Variants in PTPN3 observed in about 807,000 individuals in gnomAD.
PTPN3 encodes tyrosine-protein phosphatase non-receptor type 3.
Under a neutral mutation model 132.7 loss-of-function variants are expected in PTPN3, and 96 were observed. That is an observed-to-expected ratio of 0.72 (90% confidence interval 0.61 to 0.86). PTPN3 has a LOEUF of 0.86. PTPN3 is among the 40% of genes least tolerant of loss of function. The probability of loss-of-function intolerance (pLI) is 0.00; values close to 1 mark genes in which losing one functional copy is unlikely to be tolerated. For missense variants in PTPN3, 1,125 were observed against 1,159.6 expected, an observed-to-expected ratio of 0.97 and a Z score of 0.43; for synonymous variants, 398 against 429.0, an observed-to-expected ratio of 0.93 and a Z score of 0.89.
intron 13 of PTPN3, among the ~76,000 whole-genome samples, chr9:109,421,200 G>GCACGTCAC (rs1284017325): frequency 6.6e-6 from 1 of 152,172 alleles, no homozygotes; most frequent in African/African-American, 2.4e-5. Context: ...CTTGGGCAAG[G>GCACGTCAC]CACGTCACCT....
At chr9:109,505,749 ACTT>A in the PTPN3 span, among the ~76,000 whole-genome samples, 6 of 151,406 alleles carry the variant, frequency 4.0e-5, no homozygotes, top group Admixed American at 1.3e-4. Context: ...CAGAACATCA[ACTT>A]CTTTTTTTTT....
rs377718578 is a variant in PTPN3 at position 109,391,488 on chromosome 9, T to A, written c.2027A>T (p.Tyr676Phe). The change falls in exon 20 of 26, where the codon TAT becomes TTT. Residue 676 changes from tyrosine (Y) to phenylalanine (F), a missense_variant. Physicochemically the swap from Tyr to Phe is conservative, Grantham distance 22. Coordinates refer to ENST00000374541, the MANE Select transcript of PTPN3 (RefSeq NM_002829.4). ...KLPQNLDKNR[Y>F]KDVLPYDTTR... The stretch of plus-strand genomic sequence containing the variant: ...ATACTCACAAGGCAGCACATCTTTA[T>A]ATCGGTTTTTGTCCAAATTTTGAGG... The A allele has an allele frequency of 1.2e-4, 197 of 1,613,408 alleles. No homozygotes were observed. The highest frequency in any genetic ancestry group is 1.6e-4 in the Non-Finnish European group (184 of 1,179,476).
chr9:109,383,273 C>T, intron 23 of PTPN3, 150 bp downstream of exon 23: 1 of 1,382,738 alleles, frequency 7.2e-7, no homozygotes, highest in South Asian at 1.3e-5. Context: ...AACTCTGGGC[C>T]CTGGCTCTTT....
chr9:109,487,537 C>G (rs1050017124), intron 1 of PTPN3, among the ~76,000 whole-genome samples: 4 of 152,216 alleles, frequency 2.6e-5, no homozygotes, highest in African/African-American at 7.2e-5. Flanking sequence ...TGGGGCCTAA[C>G]AGCCTCTTTT....
chr9:109,381,920 G>A (rs528652404), intron 24 of PTPN3, 133 bp from the exon 25 acceptor site: 240 of 1,067,248 alleles, frequency 2.2e-4, no homozygotes, highest in Non-Finnish European at 3.0e-4. Flanking sequence ...GCACACTCAC[G>A]GCGTGCTCTC....
chr9:109,390,113 A>G (rs879593906), intron 21 of PTPN3, among the ~76,000 whole-genome samples: 4 of 152,170 alleles, frequency 2.6e-5, no homozygotes, highest in Non-Finnish European at 5.9e-5. Context: ...GGATTATATG[A>G]AAAGACTGGT....
At chr9:109,386,124 CAGA>C (rs1839563494) in intron 22 of PTPN3, among the ~76,000 whole-genome samples, 1 of 152,148 alleles carries the variant, frequency 6.6e-6, no homozygotes. Context: ...ACTCCTAATC[CAGA>C]AGAACTGGTG....
intron 25 of PTPN3, among the ~76,000 whole-genome samples, chr9:109,380,662 T>G (rs1053130388): frequency 1.3e-5 from 2 of 152,188 alleles, no homozygotes; most frequent in African/African-American, 4.8e-5. Flanking sequence ...TAACATAAGC[T>G]GATTTTTTTT....
At chr9:109,531,626 A>G in the PTPN3 span, among the ~76,000 whole-genome samples, 1,146 of 152,296 alleles carry the variant, frequency 7.5e-3, 10 homozygotes, top group African/African-American at 0.026. Flanking sequence ...TAGTTTTGAG[A>G]ATGAGATAAT....
intron 1 of PTPN3, among the ~76,000 whole-genome samples, chr9:109,475,006 T>C (rs1314904488): frequency 6.6e-6 from 1 of 152,220 alleles, no homozygotes; most frequent in Admixed American, 6.5e-5. Flanking sequence ...CTGATTTTTT[T>C]AGGTCCCAAA....
intron 10 of PTPN3, among the ~76,000 whole-genome samples, chr9:109,431,629 G>C (rs1401238174): frequency 6.6e-6 from 1 of 152,200 alleles, no homozygotes; most frequent in African/African-American, 2.4e-5. Flanking sequence ...GTGTCAAATT[G>C]AACAGGGCTG....
chr9:109,533,102 G>A, the PTPN3 span, among the ~76,000 whole-genome samples: 3 of 136,820 alleles, frequency 2.2e-5, no homozygotes, highest in African/African-American at 8.3e-5. Context: ...ACTACATACA[G>A]GCGCCCACCA....
intron 7 of PTPN3, among the ~76,000 whole-genome samples, chr9:109,443,137 A>C (rs961079022): frequency 6.8e-6 from 1 of 148,094 alleles, no homozygotes; most frequent in Admixed American, 6.9e-5. Context: ...GTGCAATGGC[A>C]TGATTATGGC....
intron 12 of PTPN3, 33 bp downstream of exon 12, chr9:109,426,917 C>G (rs745585788): frequency 1.3e-6 from 2 of 1,569,874 alleles, no homozygotes; most frequent in East Asian, 4.5e-5. Context: ...ACATCTCAGC[C>G]TAGTGTGGAC....
the PTPN3 span, among the ~76,000 whole-genome samples, chr9:109,531,112 CT>C: frequency 1.3e-3 from 201 of 152,248 alleles, no homozygotes; most frequent in African/African-American, 4.6e-3. Flanking sequence ...TTGCCTGTGC[CT>C]TTTATGTCTT....
At chr9:109,500,664 C>T (rs1010908699), upstream of PTPN3, among the ~76,000 whole-genome samples, 2 of 149,780 alleles carry the variant, frequency 1.3e-5, no homozygotes, top group African/African-American at 4.9e-5. Flanking sequence ...GGTGAGGTGG[C>T]TCATGCCTGT....
intron 12 of PTPN3, 21 bp downstream of exon 12, chr9:109,426,929 C>T: frequency 2.5e-6 from 4 of 1,590,636 alleles, no homozygotes; most frequent in African/African-American, 2.7e-5. Flanking sequence ...AGTGTGGACA[C>T]AGTCTTTACA....
chr9:109,411,547 G>A (rs947483), intron 14 of PTPN3, among the ~76,000 whole-genome samples: 74,634 of 151,816 alleles, frequency 0.49, 18,636 homozygotes, highest in South Asian at 0.7. Context: ...TGACTATGGG[G>A]CTCTCCTACA....
chr9:109,417,538 T>TTTTTTTTC (rs1842613716), intron 14 of PTPN3: 1 of 964,754 alleles, frequency 1.0e-6, no homozygotes, highest in South Asian at 4.8e-5. Context: ...ACAGGTTTTT[T>TTTTTTTTC]TTTTTTTCTT....
Sources: gnomAD v4.1 joint callset for allele counts (sites outside exome capture counted in the v4.1 genomes callset) on GRCh38, gnomAD v4.1.1 for gene constraint, MANE v1.5 for transcripts, NCBI Gene and HGNC (gene_info 2026-07-23, HGNC 2026-07-21) for gene names.